The following DCUN1D1 variants were observed in gnomAD, a reference collection of about 807,000 sequenced individuals.
DCUN1D1 encodes DCN1-like protein 1.
In DCUN1D1, 3 loss-of-function variants were observed where a neutral mutation model predicts 39.0. That is an observed-to-expected ratio of 0.08 (90% confidence interval 0.04 to 0.20). The LOEUF is 0.20. DCUN1D1 is among the 10% of genes least tolerant of loss of function. The pLI is 1.00. For synonymous variants in DCUN1D1, 82 were observed against 96.3 expected, an observed-to-expected ratio of 0.85 and a Z score of 0.87; for missense variants, 158 against 302.4, an observed-to-expected ratio of 0.52 and a Z score of 3.54.
upstream of DCUN1D1, among the ~76,000 whole-genome samples, chr3:182,981,159 C>T (rs1186496412): frequency 3.9e-5 from 6 of 152,042 alleles, no homozygotes; most frequent in Non-Finnish European, 2.9e-5. Context: ...GAGGACCAGG[C>T]TCTCCCCAGA....
Position 182,943,962 on chromosome 3 carries a change from T to C in DCUN1D1, c.*1132A>G, listed in dbSNP as rs1726264801. The C allele has an allele frequency of 6.6e-6, 1 of 152,622 alleles. No homozygotes were observed. The highest frequency in any genetic ancestry group is 2.4e-5 in the African/African-American group (1 of 41,448). The allele number at this position is 152,622 out of a possible 1,614,324, so 9.5% of individuals were successfully genotyped here. On this transcript the variant is annotated 3_prime_UTR_variant, in exon 7 of 7. Coordinates refer to ENST00000292782, the MANE Select transcript of DCUN1D1 (RefSeq NM_020640.4). Reference sequence around the variant, plus strand: ...TGAAGTAAATATTTGGCAACCACAGTGATTAGCAGTTAAAGCAATTTCAAC... The same window carrying C: ...TGAAGTAAATATTTGGCAACCACAGCGATTAGCAGTTAAAGCAATTTCAAC...
At chr3:182,949,516 T>G (rs756183560) in intron 4 of DCUN1D1, among the ~76,000 whole-genome samples, 14 of 152,150 alleles carry the variant, frequency 9.2e-5, no homozygotes, top group Non-Finnish European at 1.9e-4. Flanking sequence ...GATCAGGAGT[T>G]CAAGACCAGC....
chr3:182,965,664 A>C lies in DCUN1D1; in HGVS notation c.93T>G (p.Ser31=). The part of the protein sequence containing the change: ...SSEKTAVSCL[S]QNDWKLDVAT... ...CAACATCTAACTTCCAGTCATTTTG[A>C]GAAAGACAACTTACTGCTGTTTTTT... Residue 31 remains serine, a synonymous_variant, in exon 2 of 7, where the codon TCT becomes TCG. Coordinates refer to ENST00000292782, the MANE Select transcript of DCUN1D1 (RefSeq NM_020640.4). The C allele has an allele frequency of 1.2e-6, 2 of 1,613,798 alleles. No homozygotes were observed. Among genetic ancestry groups the C allele is most frequent in the Non-Finnish European group, 1.7e-6 (2 of 1,179,808 alleles).
intron 5 of DCUN1D1, 76 bp from the exon 6 acceptor site, chr3:182,947,410 A>G (rs1726469869): frequency 7.6e-6 from 9 of 1,189,784 alleles, no homozygotes; most frequent in Non-Finnish European, 1.1e-5. Context: ...ACAATTTGAA[A>G]TACAAGAATG....
chr3:182,980,844 C>T (rs1278069838), upstream of DCUN1D1: 3 of 151,030 alleles, frequency 2.0e-5, no homozygotes, highest in Non-Finnish European at 4.4e-5. Context: ...CCTCCGTTTC[C>T]TACGCGGTTC....
intron 4 of DCUN1D1, among the ~76,000 whole-genome samples, chr3:182,956,720 C>T (rs1207756903): frequency 1.3e-5 from 2 of 152,032 alleles, no homozygotes; most frequent in African/African-American, 2.4e-5. Flanking sequence ...CCAGCTGAAC[C>T]ACAACCTACA....
chr3:182,961,168 ACTGT>A, intron 4 of DCUN1D1, 54 bp downstream of exon 4: 2 of 1,175,372 alleles, frequency 1.7e-6, no homozygotes, highest in Non-Finnish European at 2.4e-6. Context: ...CAAAAACGAC[ACTGT>A]CAATGTATTT....
At chr3:182,979,779 C>A (rs1728430593) in intron 1 of DCUN1D1, among the ~76,000 whole-genome samples, 1 of 152,152 alleles carries the variant, frequency 6.6e-6, no homozygotes, top group Admixed American at 6.5e-5. Context: ...GAACAGGTTG[C>A]ACTTCCGTAC....
At chr3:182,949,159 A>G (rs1287329137) in intron 4 of DCUN1D1, among the ~76,000 whole-genome samples, 30 of 151,998 alleles carry the variant, frequency 2.0e-4, no homozygotes, top group Admixed American at 2.0e-3. Flanking sequence ...TCAGGAGTTC[A>G]AAACCAGCCT....
chr3:182,972,050 GTTT>G (rs397877483), intron 1 of DCUN1D1, among the ~76,000 whole-genome samples: 257 of 108,844 alleles, frequency 2.4e-3, no homozygotes, highest in Non-Finnish European at 3.9e-3. Flanking sequence ...TCTATTTAGG[GTTT>G]TTTTTTTTTT....
At chr3:182,978,628 G>A (rs1335834214) in intron 1 of DCUN1D1, among the ~76,000 whole-genome samples, 1 of 152,138 alleles carries the variant, frequency 6.6e-6, no homozygotes, top group Non-Finnish European at 1.5e-5. Context: ...TCCTGCTTCG[G>A]TGACCCAGGG....
Position 182,945,082 on chromosome 3 carries a change from G to A in DCUN1D1, c.*12C>T. 6.2e-7 allele frequency: 1 copy of A among 1,607,764 alleles called. No homozygotes were observed. Among genetic ancestry groups the A allele is most frequent in the Non-Finnish European group, 8.5e-7 (1 of 1,175,978 alleles). ...GTACAGACTATGTACATTCTAGAAG[G>A]TTCCTTTAGTGCTACACTGTTGTAC... On this transcript the variant is annotated 3_prime_UTR_variant, in exon 7 of 7. Transcript: ENST00000292782.
At chr3:182,956,279 T>C in intron 4 of DCUN1D1, 1 of 280,476 alleles carries the variant, frequency 3.6e-6, no homozygotes, top group Non-Finnish European at 7.2e-6. Context: ...AGGCCTGGAA[T>C]GAGGCACGTT....
chr3:182,944,960 A>G lies in DCUN1D1; in HGVS notation c.*134T>C. On this transcript the variant is annotated 3_prime_UTR_variant, in exon 7 of 7. Transcript: ENST00000292782. ...CGATATGGTCCAAGATGTATCCTTA[A>G]AGTTTTGTCTCAACCCTCAGTCTGA... is the stretch of plus-strand genomic sequence containing the variant. 1 of 718,370 alleles carries G rather than the reference A, an allele frequency of 1.4e-6. No homozygotes were observed. Among genetic ancestry groups the G allele is most frequent in the Non-Finnish European group, 2.3e-6 (1 of 428,658 alleles). The allele number at this position is 718,370 out of a possible 1,614,324, so 44.5% of individuals were successfully genotyped here.
At chr3:182,968,883 A>G (rs145963901) in intron 1 of DCUN1D1, among the ~76,000 whole-genome samples, 4,190 of 152,328 alleles carry the variant, frequency 0.028, 203 homozygotes, top group African/African-American at 0.096. Context: ...TACAGGCATG[A>G]GCCACCGCGC....
intron 2 of DCUN1D1, 95 bp downstream of exon 2, chr3:182,965,442 C>G (rs1208865778): frequency 2.8e-6 from 2 of 719,804 alleles, no homozygotes; most frequent in East Asian, 5.4e-5. Flanking sequence ...CACATCCACC[C>G]AATTTAAGTT....
intron 1 of DCUN1D1, among the ~76,000 whole-genome samples, chr3:182,977,814 T>C (rs946531209): frequency 2.0e-5 from 3 of 151,534 alleles, no homozygotes; most frequent in African/African-American, 7.3e-5. Context: ...CCGAGGCAGG[T>C]GGATCACCTG....
At position 182,939,760 on chromosome 3, in the gene DCUN1D1, G is replaced by T. The variant is rs1384632699; in HGVS notation, c.*5334C>A. The T allele has an allele frequency of 6.6e-6, 1 of 152,062 alleles. No individual in the cohort carries two copies. Among genetic ancestry groups the T allele is most frequent in the African/African-American group, 2.4e-5 (1 of 41,382 alleles). The allele number at this position is 152,062 out of a possible 1,614,324, so 9.4% of individuals were successfully genotyped here. The stretch of plus-strand genomic sequence containing the variant: ...GGGCTGATGGACATGTTCTAAAATT[G>T]GACTGCACAACTCTTAAGTTTACTA... On this transcript the variant is annotated 3_prime_UTR_variant, in exon 7 of 7. Coordinates refer to ENST00000292782, the MANE Select transcript of DCUN1D1 (RefSeq NM_020640.4).
Position 182,939,526 on chromosome 3 carries a change from A to C in DCUN1D1, c.*5568T>G, listed in dbSNP as rs1355299221. The stretch of plus-strand genomic sequence containing the variant: ...ACAGTGAACACTAAGTCAGCAACTA[A>C]AGGAACTACACGCAGGTATAAGCTG... On this transcript the variant is annotated 3_prime_UTR_variant, in exon 7 of 7. Transcript: ENST00000292782. 6.6e-6 allele frequency: 1 copy of C among 152,190 alleles called. No homozygotes were observed. Among genetic ancestry groups the C allele is most frequent in the Non-Finnish European group, 1.5e-5 (1 of 68,030 alleles). 9.4% of individuals were successfully genotyped at this position (152,190 alleles called of 1,614,324 possible).
Sources: gnomAD v4.1 joint callset for allele counts (sites outside exome capture counted in the v4.1 genomes callset) on GRCh38, gnomAD v4.1.1 for gene constraint, MANE v1.5 for transcripts, NCBI Gene and HGNC (gene_info 2026-07-23, HGNC 2026-07-21) for gene names.